Variants in ROBO2 observed in about 807,000 individuals in gnomAD.
The protein encoded by ROBO2 is roundabout guidance receptor 2.
Under a neutral mutation model 160.8 loss-of-function variants are expected in ROBO2, and 53 were observed. The ratio of observed to expected loss-of-function variants is 0.33; its 90% CI spans 0.26 to 0.41. The LOEUF (loss-of-function observed/expected upper bound fraction) is 0.41. Ranked by LOEUF, ROBO2 falls within the 10% of genes least tolerant of loss-of-function variation. The pLI is 1.00. For synonymous variants in ROBO2, 664 were observed against 611.7 expected (o/e 1.09, Z -1.26); for missense variants, 1,577 against 1,722.4 (o/e 0.92, Z 1.49).
At chr3:77,296,752 G>T (rs897795267) in intron 2 of ROBO2, among the ~76,000 whole-genome samples, 1 of 152,112 alleles carries the variant, frequency 6.6e-6, no homozygotes, top group Non-Finnish European at 1.5e-5. Context: ...GTTACTTGCT[G>T]CTCCTGCAGG....
chr3:76,405,281 A>AGGAAGAGTGAAAGAGTGAAG lies in ROBO2; in HGVS notation c.109+467682_109+467701dup, dbSNP rs1171537289. On this transcript the variant is annotated intron_variant, in intron 2 of 26. Transcript: ENST00000487694. Reference sequence around the variant, plus strand: ...ATATGAGAACAAGGTTGCTTGTTCCAGGAAGAGTGAAAGAGTGAAGGGTAG... The same window carrying AGGAAGAGTGAAAGAGTGAAG: ...ATATGAGAACAAGGTTGCTTGTTCCAGGAAGAGTGAAAGAGTGAAGGGAAGAGTGAAAGAGTGAAGGGTAG... 3.5e-3 allele frequency among the ~76,000 whole-genome samples: 535 copies of AGGAAGAGTGAAAGAGTGAAG among 151,686 alleles called. 11 individuals are homozygous for AGGAAGAGTGAAAGAGTGAAG. Among genetic ancestry groups the AGGAAGAGTGAAAGAGTGAAG allele is most frequent in the African/African-American group, 0.012 (508 of 41,474 alleles).
intron 2 of ROBO2, among the ~76,000 whole-genome samples, chr3:76,692,377 A>G (rs1320966634): frequency 6.6e-6 from 1 of 152,160 alleles, no homozygotes; most frequent in Non-Finnish European, 1.5e-5. Context: ...TGCTGGTTAC[A>G]GGCCTGGTAC....
At chr3:77,626,811 C>A (rs1256404046) in intron 23 of ROBO2, among the ~76,000 whole-genome samples, 1 of 152,086 alleles carries the variant, frequency 6.6e-6, no homozygotes, top group Non-Finnish European at 1.5e-5. Context: ...GACTGCTGGA[C>A]CCCACATGAA....
At chr3:76,761,714 G>T (rs1026690803) in intron 2 of ROBO2, among the ~76,000 whole-genome samples, 25 of 151,720 alleles carry the variant, frequency 1.6e-4, no homozygotes, top group Non-Finnish European at 1.5e-5. Context: ...TTTGGTTAAA[G>T]TTGTGACTTT....
intron 2 of ROBO2, among the ~76,000 whole-genome samples, chr3:76,419,543 A>C (rs557605647): frequency 2.0e-5 from 3 of 152,160 alleles, no homozygotes; most frequent in Admixed American, 1.3e-4. Flanking sequence ...AAGATCTTCT[A>C]AATGAACTAC....
rs1553960464 is a variant in ROBO2 at position 77,445,800 on chromosome 3, T to TTTG, written c.389-31612_389-31611insGTT. On this transcript the variant is annotated intron_variant, in intron 2 of 25. Transcript: ENST00000461745. Reference sequence around the variant, plus strand: ...AATTAAAAGGTTTTTTTTTGTTTTTTTTTTTTTTTTTGCTAATTTTAGTAT... The same window carrying TTTG: ...AATTAAAAGGTTTTTTTTTGTTTTTTTTGTTTTTTTTTTTGCTAATTTTAGTAT... Among the ~76,000 whole-genome samples the TTTG allele has an allele frequency of 2.7e-3, 331 of 121,258 alleles. 3 individuals carry two copies. Among genetic ancestry groups the TTTG allele is most frequent in the African/African-American group, 8.2e-3 (318 of 38,802 alleles). The allele number at this position is 121,258 out of a possible 152,430, so 79.5% of individuals were successfully genotyped here.
chr3:76,852,416 A>G (rs114895482), intron 2 of ROBO2, among the ~76,000 whole-genome samples: 38 of 152,306 alleles, frequency 2.5e-4, no homozygotes, highest in Non-Finnish European at 4.3e-4. Flanking sequence ...CAGAGGCTCT[A>G]AAACTACTTT....
intron 2 of ROBO2, among the ~76,000 whole-genome samples, chr3:76,472,684 T>C (rs1341098040): frequency 6.6e-6 from 1 of 152,212 alleles, no homozygotes; most frequent in African/African-American, 2.4e-5. Flanking sequence ...ATGTCACATA[T>C]TTTGTTATAT....
At chr3:76,731,235 A>G (rs1474154962) in intron 2 of ROBO2, among the ~76,000 whole-genome samples, 2 of 152,170 alleles carry the variant, frequency 1.3e-5, no homozygotes, top group Non-Finnish European at 2.9e-5. Flanking sequence ...GGATTTCTCC[A>G]TTTTAAATTG....
chr3:76,219,995 C>T (rs1703851058), intron 2 of ROBO2, among the ~76,000 whole-genome samples: 2 of 151,950 alleles, frequency 1.3e-5, no homozygotes, highest in South Asian at 4.2e-4. Context: ...TACTATGCAG[C>T]CATAAAAAAT....
intron 2 of ROBO2, among the ~76,000 whole-genome samples, chr3:76,290,919 A>G (rs1419722486): frequency 6.6e-6 from 1 of 152,082 alleles, no homozygotes; most frequent in Non-Finnish European, 1.5e-5. Context: ...TCAGTTTGCT[A>G]GTATTTAGTT....
intron 2 of ROBO2, among the ~76,000 whole-genome samples, chr3:77,234,166 C>T (rs2087615535): frequency 6.6e-6 from 1 of 152,090 alleles, no homozygotes; most frequent in African/African-American, 2.4e-5. Flanking sequence ...GGACAGGATC[C>T]TCCCTTCATT....
At chr3:76,308,180 C>T (rs2071409695) in intron 2 of ROBO2, among the ~76,000 whole-genome samples, 1 of 151,846 alleles carries the variant, frequency 6.6e-6, no homozygotes, top group African/African-American at 2.4e-5. Context: ...AGTTTGAAAC[C>T]AGCCTGGCCA....
chr3:76,018,345 G>A (rs1032097200), intron 2 of ROBO2, among the ~76,000 whole-genome samples: 6 of 152,036 alleles, frequency 3.9e-5, no homozygotes, highest in Middle Eastern at 6.9e-3. Context: ...GTTTAATATT[G>A]AGAGTAGATT....
intron 2 of ROBO2, among the ~76,000 whole-genome samples, chr3:75,952,586 C>T (rs747440776): frequency 1.2e-4 from 18 of 151,840 alleles, no homozygotes; most frequent in Admixed American, 6.6e-4. Flanking sequence ...TAACATCTTG[C>T]GATAGTGTGG....
chr3:77,362,983 A>G (rs9868915), intron 2 of ROBO2, among the ~76,000 whole-genome samples: 62,351 of 152,042 alleles, frequency 0.41, 13,552 homozygotes, highest in East Asian at 0.72. Context: ...TGGGAATTGC[A>G]GGAGCTACAA....
At chr3:76,304,509 C>T (rs2071225086) in intron 2 of ROBO2, among the ~76,000 whole-genome samples, 1 of 152,156 alleles carries the variant, frequency 6.6e-6, no homozygotes, top group Non-Finnish European at 1.5e-5. Context: ...TTACTACTGT[C>T]TCTTTGATTA....
chr3:77,638,585 T>A (rs2095301664), intron 24 of ROBO2, among the ~76,000 whole-genome samples: 1 of 152,158 alleles, frequency 6.6e-6, no homozygotes, highest in Non-Finnish European at 1.5e-5. Flanking sequence ...TCAGTCTGTA[T>A]CCCAAAGACT....
At chr3:76,868,507 G>A (rs9882202) in intron 2 of ROBO2, among the ~76,000 whole-genome samples, 1 of 152,002 alleles carries the variant, frequency 6.6e-6, no homozygotes, top group African/African-American at 2.4e-5. Flanking sequence ...AAATCACAAC[G>A]TTCTATGTTT....
Sources: allele counts gnomAD v4.1 joint callset (sites outside exome capture counted in the v4.1 genomes callset), GRCh38; gene constraint gnomAD v4.1.1; transcripts MANE v1.5; gene names NCBI Gene and HGNC (gene_info 2026-07-23, HGNC 2026-07-21).